Variants in TIMM23 observed in about 807,000 individuals in gnomAD.
TIMM23 encodes the protein mitochondrial import inner membrane translocase subunit Tim23.
TIMM23 carries 19 observed loss-of-function variants against 30.7 expected under a neutral mutation model. That is an observed-to-expected ratio of 0.62 (90% CI 0.43 to 0.91). The LOEUF is 0.91. Ranked by LOEUF, TIMM23 falls within the 40% of genes least tolerant of loss-of-function variation. The pLI is 0.00. For synonymous variants in TIMM23, 78 were observed against 98.5 expected (o/e 0.79, Z 1.23); for missense variants, 202 against 269.2 (o/e 0.75, Z 1.75).
At position 45,994,958 on chromosome 10, in the gene TIMM23, G is replaced by C. The variant is rs1200398240; in HGVS notation, c.514+6111G>C. 2.0e-3 allele frequency among the ~76,000 whole-genome samples: 305 copies of C among 152,096 alleles called. 4 individuals carry two copies. The highest frequency in any genetic ancestry group is 0.019 in the East Asian group (98 of 5,192). On this transcript the variant is annotated intron_variant, in intron 6 of 6. Transcript: ENST00000580018. ...GTCTGTGCCCTGTCTTCCTGGGTCT[G>C]TTTTTAACCAGAAATTAATAAGACA...
chr10:45,985,674 C>T (rs1385084540), intron 5 of TIMM23, among the ~76,000 whole-genome samples: 5 of 152,266 alleles, frequency 3.3e-5, no homozygotes, highest in African/African-American at 1.2e-4. Flanking sequence ...ATCTTTTGGA[C>T]ACTGCACACT....
At chr10:45,982,409 G>A (rs1248454659) in intron 2 of TIMM23, 114 bp from the exon 3 acceptor site, 8 of 1,035,298 alleles carry the variant, frequency 7.7e-6, no homozygotes, top group Non-Finnish European at 1.0e-5. Context: ...ATAGGTTTGA[G>A]TTAATTTAAG....
chr10:45,991,730 A>C (rs1838167509), intron 6 of TIMM23, among the ~76,000 whole-genome samples: 1 of 152,044 alleles, frequency 6.6e-6, no homozygotes, highest in South Asian at 2.1e-4. Flanking sequence ...TAGCCTGGGC[A>C]ATAAGAGTGA....
chr10:45,990,420 CTTATT>C (rs1474091868), intron 6 of TIMM23, among the ~76,000 whole-genome samples: 2 of 150,714 alleles, frequency 1.3e-5, no homozygotes, highest in African/African-American at 4.9e-5. Flanking sequence ...CCACTCCCAG[CTTATT>C]TTAATTTTTT....
At position 45,981,140 on chromosome 10, in the gene TIMM23, T is replaced by C. The variant is rs1161805829; in HGVS notation, c.166-1383T>C. Among the ~76,000 whole-genome samples, 687 of 149,694 alleles carry C rather than the reference T, an allele frequency of 4.6e-3. 5 individuals are homozygous for C. Among genetic ancestry groups the C allele is most frequent in the African/African-American group, 0.016 (654 of 40,410 alleles). The stretch of plus-strand genomic sequence containing the variant: ...TTTTAGTAGAGACGGGGTTTCACCA[T>C]GTTGCCCAGGGTGGCCTCGAACTCC... On this transcript the variant is annotated intron_variant, in intron 2 of 6. Transcript: ENST00000580018.
chr10:46,000,233 A>G (rs1838485703), intron 6 of TIMM23, among the ~76,000 whole-genome samples: 1 of 152,238 alleles, frequency 6.6e-6, no homozygotes, highest in Admixed American at 6.5e-5. Flanking sequence ...GGAAGTGATA[A>G]GTGTCCATGA....
At chr10:45,994,645 G>T (rs1444977361) in intron 6 of TIMM23, among the ~76,000 whole-genome samples, 1 of 132,884 alleles carries the variant, frequency 7.5e-6, no homozygotes, top group East Asian at 2.2e-4. Flanking sequence ...TTTCACCATG[G>T]TGCCCAGGCT....
chr10:45,977,336 A>G (rs1235296749), intron 2 of TIMM23, among the ~76,000 whole-genome samples: 1 of 151,798 alleles, frequency 6.6e-6, no homozygotes, highest in Non-Finnish European at 1.5e-5. Flanking sequence ...AAAACTTTCT[A>G]CAGAGCCACA....
At chr10:45,998,344 T>A in intron 6 of TIMM23, 1 of 984,014 alleles carries the variant, frequency 1.0e-6, no homozygotes, top group Non-Finnish European at 1.2e-6. Context: ...GAAGAGGTGG[T>A]GCTTGCCTAT....
intron 2 of TIMM23, among the ~76,000 whole-genome samples, chr10:45,975,863 G>A (rs1837658557): frequency 1.3e-5 from 2 of 152,116 alleles, no homozygotes; most frequent in South Asian, 2.1e-4. Flanking sequence ...GTGCAGTAGC[G>A]CGATCTCTGC....
intron 1 of TIMM23, among the ~76,000 whole-genome samples, chr10:45,974,802 T>C (rs1837615507): frequency 6.6e-6 from 1 of 152,036 alleles, no homozygotes; most frequent in African/African-American, 2.4e-5. Context: ...GCATGGGTGA[T>C]GCATAGGTTT....
intron 6 of TIMM23, among the ~76,000 whole-genome samples, chr10:45,997,849 C>T (rs1383086740): frequency 2.6e-5 from 4 of 152,058 alleles, no homozygotes; most frequent in African/African-American, 9.7e-5. Context: ...ATAGCACAGC[C>T]GTGTGAATGT....
At chr10:45,988,199 A>G (rs1838053043) in intron 5 of TIMM23, among the ~76,000 whole-genome samples, 1 of 152,216 alleles carries the variant, frequency 6.6e-6, no homozygotes, top group Non-Finnish European at 1.5e-5. Context: ...TTGGACAAAA[A>G]GGGCATGCTC....
intron 6 of TIMM23, among the ~76,000 whole-genome samples, chr10:46,001,680 T>G (rs571449370): frequency 4.6e-5 from 7 of 152,252 alleles, no homozygotes; most frequent in African/African-American, 1.7e-4. Flanking sequence ...ACACATGACT[T>G]GGAACAAATA....
At chr10:45,988,888 G>T (rs1838075151) in intron 6 of TIMM23, 41 bp downstream of exon 6, 5 of 1,591,156 alleles carry the variant, frequency 3.1e-6, no homozygotes, top group Non-Finnish European at 4.3e-6. Flanking sequence ...TAATACACTT[G>T]AAGTGCGCTT....
At chr10:46,002,424 C>A in intron 6 of TIMM23, 2 of 741,010 alleles carry the variant, frequency 2.7e-6, no homozygotes, top group Non-Finnish European at 3.3e-6. Context: ...CTGCCTCAGC[C>A]TCCCAAAGTG....
intron 5 of TIMM23, among the ~76,000 whole-genome samples, chr10:45,988,107 C>T (rs1263012653): frequency 2.6e-5 from 4 of 152,136 alleles, no homozygotes; most frequent in African/African-American, 9.7e-5. Context: ...AGAAAGTCCT[C>T]CGACCCCATC....
At chr10:45,989,132 C>A (rs1838082815) in intron 6 of TIMM23, among the ~76,000 whole-genome samples, 2 of 152,300 alleles carry the variant, frequency 1.3e-5, no homozygotes, top group Non-Finnish European at 2.9e-5. Flanking sequence ...ACCTATTAAG[C>A]CTCCCAATTT....
intron 6 of TIMM23, chr10:46,002,263 C>A (rs1226241208): frequency 6.6e-6 from 1 of 152,044 alleles, no homozygotes; most frequent in Admixed American, 6.6e-5. Flanking sequence ...GCAGCCTCGA[C>A]CTCCTGGGCT....
Sources: allele counts gnomAD v4.1 joint callset (sites outside exome capture counted in the v4.1 genomes callset), GRCh38; gene constraint gnomAD v4.1.1; transcripts MANE v1.5; gene names NCBI Gene and HGNC (gene_info 2026-07-23, HGNC 2026-07-21).